The following CDC42BPA variants were observed in gnomAD, a reference collection of about 807,000 sequenced individuals.
The protein encoded by CDC42BPA is CDC42 binding protein kinase alpha.
A neutral mutation model predicts 223.5 loss-of-function variants in CDC42BPA; 80 were observed. The ratio of observed to expected loss-of-function variants is 0.36; its 90% CI spans 0.30 to 0.43. CDC42BPA has a LOEUF of 0.43. Among genes scored for constraint, CDC42BPA ranks in the 20% least tolerant of loss-of-function variants. The pLI, the probability that CDC42BPA is intolerant of heterozygous loss-of-function variation, is 1.00. For missense variants in CDC42BPA, 1,743 were observed against 2,099.9 expected (o/e 0.83, Z 3.32); for synonymous variants, 694 against 718.6 (o/e 0.97, Z 0.55).
chr1:227,114,315 A>C (rs920611922), intron 12 of CDC42BPA, among the ~76,000 whole-genome samples: 1 of 152,070 alleles, frequency 6.6e-6, no homozygotes, highest in African/African-American at 2.4e-5. Context: ...AGGGTAAAAT[A>C]TTTTCAAAGA....
At chr1:227,069,728 G>T in intron 21 of CDC42BPA, 49 bp downstream of exon 21, 1 of 1,308,246 alleles carries the variant, frequency 7.6e-7, no homozygotes, top group Non-Finnish European at 1.1e-6. Flanking sequence ...AAATTACAAA[G>T]TGAATTTTAA....
intron 2 of CDC42BPA, 122 bp downstream of exon 2, chr1:227,253,942 C>T (rs978326880): frequency 1.4e-6 from 1 of 705,048 alleles, no homozygotes. Flanking sequence ...TCACATCAAT[C>T]ACAACTTAAC....
chr1:227,064,271 T>C (rs1676525180), intron 21 of CDC42BPA, among the ~76,000 whole-genome samples: 1 of 152,198 alleles, frequency 6.6e-6, no homozygotes, highest in Admixed American at 6.5e-5. Flanking sequence ...GAACTGGGAC[T>C]AAATGAACAA....
chr1:227,053,482 A>G (rs1673949519), intron 21 of CDC42BPA, among the ~76,000 whole-genome samples: 1 of 152,150 alleles, frequency 6.6e-6, no homozygotes, highest in South Asian at 2.1e-4. Flanking sequence ...CAATATTTAA[A>G]AAACTGGGCC....
rs137931172 is a variant in CDC42BPA at position 227,114,243 on chromosome 1, G to A, written c.1648-1330C>T. On this transcript the variant is annotated intron_variant, in intron 12 of 36. Transcript: ENST00000366766. ...CACCTATTCCCCATCCTCAAATAAGGCGGGGAGGAGGAAAATTAGACTAAG... is the reference window on the plus strand; with the variant it reads ...CACCTATTCCCCATCCTCAAATAAGACGGGGAGGAGGAAAATTAGACTAAG... Among the ~76,000 whole-genome samples the A allele has an allele frequency of 2.1e-3, 325 of 152,080 alleles. 3 individuals are homozygous for A. Among genetic ancestry groups the A allele is most frequent in the African/African-American group, 7.4e-3 (308 of 41,492 alleles).
chr1:226,998,949 G>C (rs544484112), intron 35 of CDC42BPA, among the ~76,000 whole-genome samples: 8 of 151,432 alleles, frequency 5.3e-5, no homozygotes, highest in African/African-American at 9.7e-5. Context: ...AAATTTACAA[G>C]AAAAAAAACC....
chr1:227,256,958 C>G (rs932530721), intron 1 of CDC42BPA, among the ~76,000 whole-genome samples: 2 of 148,136 alleles, frequency 1.4e-5, no homozygotes, highest in East Asian at 1.9e-4. Flanking sequence ...GACACACACA[C>G]ACACACACAC....
rs1356361689 is a variant in CDC42BPA at position 227,005,088 on chromosome 1, C to T, written c.4881G>A (p.Arg1627=). Residue 1627 remains arginine, a synonymous_variant, in exon 35 of 37, where the codon CGG becomes CGA. Coordinates refer to ENST00000366766, the MANE Select transcript of CDC42BPA (RefSeq NM_001394014.1). Reference sequence around the variant, plus strand: ...TACTGACTGAGCCACTGAATACTGTCCGACTTTCCTGAGGCCGAGGGTTCT... The same window carrying T: ...TACTGACTGAGCCACTGAATACTGTTCGACTTTCCTGAGGCCGAGGGTTCT... ...LPMNPRPQES[R]TVFSGSVSIP... 1 of 1,613,804 alleles carries T rather than the reference C, an allele frequency of 6.2e-7. No individual in the cohort carries two copies. The highest frequency in any genetic ancestry group is 8.5e-7 in the Non-Finnish European group (1 of 1,179,784).
intron 34 of CDC42BPA, chr1:227,010,808 T>A (rs1572225826): frequency 1.0e-6 from 1 of 959,338 alleles, no homozygotes; most frequent in Non-Finnish European, 1.4e-6. Context: ...GCGGTGTTAC[T>A]TATTAAGCCA....
At chr1:227,083,583 T>A (rs1681172220) in intron 16 of CDC42BPA, among the ~76,000 whole-genome samples, 1 of 152,338 alleles carries the variant, frequency 6.6e-6, no homozygotes, top group Admixed American at 6.5e-5. Flanking sequence ...TCTCTTGGTT[T>A]TCAATGATTT....
chr1:227,273,633 A>G (rs1361800268), intron 1 of CDC42BPA, among the ~76,000 whole-genome samples: 2 of 152,050 alleles, frequency 1.3e-5, no homozygotes, highest in Non-Finnish European at 2.9e-5. Context: ...TCAACTTATA[A>G]GGAAAAGAAT....
intron 1 of CDC42BPA, among the ~76,000 whole-genome samples, chr1:227,272,028 A>T (rs1224900003): frequency 6.6e-6 from 1 of 152,178 alleles, no homozygotes; most frequent in East Asian, 1.9e-4. Context: ...TTAATGTTTA[A>T]CTCTTTCATA....
At chr1:227,254,833 A>G (rs1682772150) in intron 1 of CDC42BPA, among the ~76,000 whole-genome samples, 1 of 152,200 alleles carries the variant, frequency 6.6e-6, no homozygotes, top group East Asian at 1.9e-4. Flanking sequence ...GAGATAACAG[A>G]TAAATTGAAC....
intron 5 of CDC42BPA, among the ~76,000 whole-genome samples, 155 bp from the exon 6 acceptor site, chr1:227,160,791 T>C (rs1244592708): frequency 6.6e-6 from 1 of 152,220 alleles, no homozygotes; most frequent in Non-Finnish European, 1.5e-5. Context: ...ATCCTGGTTC[T>C]GATTCATATT....
chr1:227,255,932 C>G (rs748943743), intron 1 of CDC42BPA, among the ~76,000 whole-genome samples: 8 of 151,996 alleles, frequency 5.3e-5, no homozygotes, highest in Non-Finnish European at 1.0e-4. Flanking sequence ...AATGGCATTA[C>G]AGAAATAGAA....
At chr1:227,259,010 C>T (rs967228711) in intron 1 of CDC42BPA, among the ~76,000 whole-genome samples, 1 of 151,066 alleles carries the variant, frequency 6.6e-6, no homozygotes, top group Non-Finnish European at 1.5e-5. Flanking sequence ...TGAATAGATG[C>T]TATTAGTGAT....
At chr1:227,019,340 T>C (rs1189124282) in intron 32 of CDC42BPA, among the ~76,000 whole-genome samples, 1 of 152,202 alleles carries the variant, frequency 6.6e-6, no homozygotes, top group Non-Finnish European at 1.5e-5. Flanking sequence ...CTAATTCTAG[T>C]AGTTCTCTTG....
intron 21 of CDC42BPA, among the ~76,000 whole-genome samples, chr1:227,055,810 G>A (rs1444710962): frequency 6.6e-6 from 1 of 150,690 alleles, no homozygotes; most frequent in Non-Finnish European, 1.5e-5. Context: ...CTTTTCCTAA[G>A]TAAACATACT....
chr1:227,311,190 C>T (rs1048536912), intron 1 of CDC42BPA, among the ~76,000 whole-genome samples: 8 of 152,026 alleles, frequency 5.3e-5, no homozygotes, highest in African/African-American at 1.9e-4. Flanking sequence ...CCCCCATCTC[C>T]ACACACACAA....
Sources: gnomAD v4.1 joint callset for allele counts (sites outside exome capture counted in the v4.1 genomes callset) on GRCh38, gnomAD v4.1.1 for gene constraint, MANE v1.5 for transcripts, NCBI Gene and HGNC (gene_info 2026-07-23, HGNC 2026-07-21) for gene names.